Variants in MAP3K4 observed in about 807,000 individuals in gnomAD.
The protein encoded by MAP3K4 is MAP three kinase 1.
A neutral mutation model predicts 185.6 loss-of-function variants in MAP3K4; 67 were observed. The observed-to-expected ratio is 0.36, with a 90% CI of 0.30 to 0.44. The LOEUF (loss-of-function observed/expected upper bound fraction) is 0.44, where lower values mean the gene tolerates loss of function less well. MAP3K4 is among the 20% of genes least tolerant of loss of function. MAP3K4 has a pLI of 1.00. For missense variants in MAP3K4, 1,551 were observed against 1,995.1 expected (o/e 0.78, Z 4.24); for synonymous variants, 702 against 710.4 (o/e 0.99, Z 0.19).
At position 161,007,894 on chromosome 6, in the gene MAP3K4, A is replaced by T. The variant is rs1396634037; in HGVS notation, c.152+15811A>T. 6.6e-6 allele frequency among the ~76,000 whole-genome samples: 1 copy of T among 152,220 alleles called. No homozygotes were observed. The highest frequency in any genetic ancestry group is 1.5e-5 in the Non-Finnish European group (1 of 68,020). Reference sequence around the variant, plus strand: ...ACAGTGCTTTTTTTATATCAGTTGTAGGGTACGGTGAAATATCAGAGATGT... The same window carrying T: ...ACAGTGCTTTTTTTATATCAGTTGTTGGGTACGGTGAAATATCAGAGATGT... On this transcript the variant is annotated intron_variant, in intron 1 of 26. Coordinates refer to ENST00000392142, the MANE Select transcript of MAP3K4 (RefSeq NM_005922.4). This position sits in a 1 kb window ranked among gnomAD's most constrained non-coding sequence, Gnocchi z 4.5.
chr6:161,084,558 G>C lies in MAP3K4; in HGVS notation c.2313G>C (p.Gln771His), dbSNP rs771295941. 6.2e-7 allele frequency: 1 copy of C among 1,613,166 alleles called. No individual in the cohort carries two copies. The highest frequency in any genetic ancestry group is 1.1e-5 in the South Asian group (1 of 91,048). The change falls in exon 7 of 27, where the codon CAG (glutamine) becomes CAC (histidine). Residue 771 changes from glutamine (Q) to histidine (H), a missense_variant. Physicochemically the swap from Gln to His is conservative, Grantham distance 24. Transcript: ENST00000392142. The surrounding 1 kb of genome is among the most constrained non-coding windows in gnomAD (Gnocchi z 4.6). ...STGSFLEFGL[Q>H]ESCAEFWTSA... ...GAAGTTTTTTAGAATTTGGCTTACA[G>C]GAGAGCTGTGCTGAATTTTGGACTA... is the stretch of plus-strand genomic sequence containing the variant.
intron 11 of MAP3K4, among the ~76,000 whole-genome samples, chr6:161,090,943 G>A (rs1777274243): frequency 2.0e-5 from 3 of 152,204 alleles, no homozygotes; most frequent in Non-Finnish European, 4.4e-5. Flanking sequence ...GGGAGGGGGA[G>A]AAATCTGCCC....
At position 161,002,078 on chromosome 6, in the gene MAP3K4, A is replaced by G. The variant is rs1205874063; in HGVS notation, c.152+9995A>G. 5.2e-5 allele frequency among the ~76,000 whole-genome samples: 5 copies of G among 96,760 alleles called. No individual in the cohort carries two copies. The East Asian group carries it at 1.4e-3, about 27-fold the overall frequency. The allele number at this position is 96,760 out of a possible 152,430, so 63.5% of individuals were successfully genotyped here. ...TTTTTTTTTTTTTTTTTTTGGATCTAGCTTTTCCAGATTCTCTCTCTTACT... is the reference window on the plus strand; with the variant it reads ...TTTTTTTTTTTTTTTTTTTGGATCTGGCTTTTCCAGATTCTCTCTCTTACT... On this transcript the variant is annotated intron_variant, in intron 1 of 26. Transcript: ENST00000392142.
Position 161,091,255 on chromosome 6 carries a change from C to T in MAP3K4, c.2974-124C>T. The T allele has an allele frequency of 3.1e-6, 2 of 641,452 alleles. No individual in the cohort carries two copies. The highest frequency in any genetic ancestry group is 5.1e-6 in the Non-Finnish European group (2 of 395,136). The allele number at this position is 641,452 out of a possible 1,614,324, so 39.7% of individuals were successfully genotyped here. A position where few individuals can be genotyped will look rare whatever the true frequency, so the allele number is the denominator to read the frequency against. On this transcript the variant is annotated intron_variant, in intron 11 of 26. Transcript: ENST00000392142. The surrounding 1 kb of genome is among the most constrained non-coding windows in gnomAD (Gnocchi z 5.5). ...CTTCTATATTTGGTAATTCCTTTAC[C>T]AAGTGGCTGAATTGTTTGTAGTGGT...
At chr6:161,035,322 C>G (rs1054821430) in intron 2 of MAP3K4, among the ~76,000 whole-genome samples, 4 of 152,178 alleles carry the variant, frequency 2.6e-5, no homozygotes, top group African/African-American at 9.7e-5. Flanking sequence ...ATTTCTACCT[C>G]TCCCTTTCTG....
At position 161,010,713 on chromosome 6, in the gene MAP3K4, A is replaced by G. The variant is rs556292288; in HGVS notation, c.152+18630A>G. Among the ~76,000 whole-genome samples the G allele has an allele frequency of 2.0e-5, 3 of 152,348 alleles. No individual in the cohort carries two copies. The East Asian group carries it at 5.8e-4, about 29-fold the overall frequency. On this transcript the variant is annotated intron_variant, in intron 1 of 26. Coordinates refer to ENST00000392142, the MANE Select transcript of MAP3K4 (RefSeq NM_005922.4). ...TTAAATACTCAAACACTAATAGTTT[A>G]TTTAAGAAGTTTAAAGAAGAATTTA...
chr6:161,079,104 C>T (rs1785317210), intron 5 of MAP3K4, among the ~76,000 whole-genome samples: 1 of 149,972 alleles, frequency 6.7e-6, no homozygotes. Flanking sequence ...GTCCCAGCTA[C>T]TTAGGAGGCT....
In MAP3K4 at chr6:161,080,544, T is replaced by G; in HGVS notation, c.2098-337T>G. The G allele has an allele frequency of 3.5e-6, 1 of 281,900 alleles. No homozygotes were observed. Among genetic ancestry groups the G allele is most frequent in the Non-Finnish European group, 6.7e-6 (1 of 148,714 alleles). 17.5% of individuals were successfully genotyped at this position (281,900 alleles called of 1,614,324 possible). ...TGAAGATCCTAACCTCTTAAAGGAA[T>G]AATGTTGACAGTACATTCATAATGA... On this transcript the variant is annotated intron_variant, in intron 5 of 26. Coordinates refer to ENST00000392142, the MANE Select transcript of MAP3K4 (RefSeq NM_005922.4). The surrounding 1 kb of genome is among the most constrained non-coding windows in gnomAD (Gnocchi z 4.8).
chr6:160,995,662 T>C lies in MAP3K4; in HGVS notation c.152+3579T>C, dbSNP rs1439730002. Among the ~76,000 whole-genome samples, 4 of 152,360 alleles carry C rather than the reference T, an allele frequency of 2.6e-5. No individual in the cohort carries two copies. The East Asian group carries it at 7.7e-4, about 29-fold the overall frequency. On this transcript the variant is annotated intron_variant, in intron 1 of 26. Coordinates refer to ENST00000392142, the MANE Select transcript of MAP3K4 (RefSeq NM_005922.4). ...TTCATGATAAGGATAGCTGTTGTTA[T>C]TGTTAGTGATTAAATTTTGAAATAA...
rs1023715426 is a variant in MAP3K4 at position 161,051,623 on chromosome 6, C to G, written c.1707+1644C>G. 6.6e-6 allele frequency among the ~76,000 whole-genome samples: 1 copy of G among 152,166 alleles called. No homozygotes were observed. On this transcript the variant is annotated intron_variant, in intron 3 of 26. Transcript: ENST00000392142. This position sits in a 1 kb window ranked among gnomAD's most constrained non-coding sequence, Gnocchi z 4.2. Reference sequence around the variant, plus strand: ...ACATGAGTGAAGAAAAAAGTCCTGGCAGTACCAACATCCCTTGGTATCTCA... The same window carrying G: ...ACATGAGTGAAGAAAAAAGTCCTGGGAGTACCAACATCCCTTGGTATCTCA...
chr6:161,085,335 C>T (rs1413053823), intron 7 of MAP3K4, among the ~76,000 whole-genome samples: 1 of 152,178 alleles, frequency 6.6e-6, no homozygotes, highest in Admixed American at 6.5e-5. Context: ...TTCTGTTGAA[C>T]TTTAAACTTA....
Position 161,093,086 on chromosome 6 carries a change from A to G in MAP3K4, c.3348+30A>G. On this transcript the variant is annotated intron_variant, in intron 14 of 26. Coordinates refer to ENST00000392142, the MANE Select transcript of MAP3K4 (RefSeq NM_005922.4). This position sits in a 1 kb window ranked among gnomAD's most constrained non-coding sequence, Gnocchi z 5.2. ...GGATTATTCTAAAGTTTTTTTCATT[A>G]TAAAATAAGCCAGTCACTCCTTATT... is the stretch of plus-strand genomic sequence containing the variant. The G allele has an allele frequency of 6.8e-7, 1 of 1,477,798 alleles. No homozygotes were observed. Among genetic ancestry groups the G allele is most frequent in the Non-Finnish European group, 9.4e-7 (1 of 1,062,746 alleles). The allele number at this position is 1,477,798 out of a possible 1,614,324, so 91.5% of individuals were successfully genotyped here. A position where few individuals can be genotyped will look rare whatever the true frequency, so the allele number is the denominator to read the frequency against.
At chr6:161,002,852 A>G (rs1159143517) in intron 1 of MAP3K4, among the ~76,000 whole-genome samples, 1 of 152,034 alleles carries the variant, frequency 6.6e-6, no homozygotes, top group African/African-American at 2.4e-5. Context: ...CAGCCTCCCA[A>G]AGTGCTGGGA....
intron 2 of MAP3K4, among the ~76,000 whole-genome samples, chr6:161,036,994 G>GTAAAATATTTTACA (rs1261804318): frequency 6.6e-6 from 1 of 152,190 alleles, no homozygotes; most frequent in Non-Finnish European, 1.5e-5. Flanking sequence ...TGAGGAAACT[G>GTAAAATATTTTACA]GCTCAGAGAA....
In MAP3K4 at chr6:161,106,236, A is replaced by G. The variant is rs1261056709; in HGVS notation, c.3857-278A>G. On this transcript the variant is annotated intron_variant, in intron 19 of 26. Coordinates refer to ENST00000392142, the MANE Select transcript of MAP3K4 (RefSeq NM_005922.4). This position sits in a 1 kb window ranked among gnomAD's most constrained non-coding sequence, Gnocchi z 4.9. ...AATGGAGAGAGGAGAAACTAGAGAC[A>G]TGTATATTACTGCAAGATTTTAGCC... Among the ~76,000 whole-genome samples, 2 of 152,200 alleles carry G rather than the reference A, an allele frequency of 1.3e-5. No individual in the cohort carries two copies. Among genetic ancestry groups the G allele is most frequent in the African/African-American group, 2.4e-5 (1 of 41,448 alleles).
rs1365660389 is a variant in MAP3K4, at chr6:161,008,376, T to A, written c.152+16293T>A. Among the ~76,000 whole-genome samples, 1 of 152,224 alleles carries A rather than the reference T, an allele frequency of 6.6e-6. No individual in the cohort carries two copies. The highest frequency in any genetic ancestry group is 2.4e-5 in the African/African-American group (1 of 41,458). On this transcript the variant is annotated intron_variant, in intron 1 of 26. Transcript: ENST00000392142. The surrounding 1 kb of genome is among the most constrained non-coding windows in gnomAD (Gnocchi z 4.1). ...TTATTAGAGTAAAATCCTGGAAATA[T>A]AATTACTATACCAAAGTGTGTGTGT...
chr6:161,102,401 A>G (rs998111195), intron 18 of MAP3K4, among the ~76,000 whole-genome samples: 4 of 152,198 alleles, frequency 2.6e-5, no homozygotes, highest in Non-Finnish European at 1.5e-5. Flanking sequence ...GGGGCTCCTG[A>G]AGCTAACATC....
rs1315996504 is a variant in MAP3K4 at position 161,017,420 on chromosome 6, T to G, written c.153-16839T>G. Among the ~76,000 whole-genome samples, 2 of 152,176 alleles carry G rather than the reference T, an allele frequency of 1.3e-5. No individual in the cohort carries two copies. The highest frequency in any genetic ancestry group is 2.9e-5 in the Non-Finnish European group (2 of 68,024). ...GCACGTAAGGAACTGCCAAGAGTGT[T>G]ATTTATTTGGTCTTCTGGTACCATC... On this transcript the variant is annotated intron_variant, in intron 1 of 26. Transcript: ENST00000392142. The surrounding 1 kb of genome is among the most constrained non-coding windows in gnomAD (Gnocchi z 5.1).
chr6:161,072,769 G>A (rs531001085), intron 4 of MAP3K4, among the ~76,000 whole-genome samples: 4 of 152,116 alleles, frequency 2.6e-5, no homozygotes, highest in South Asian at 2.1e-4. Flanking sequence ...TAGAATTTGC[G>A]TACATTGTGT....
Sources: gnomAD v4.1 joint callset for allele counts (sites outside exome capture counted in the v4.1 genomes callset) on GRCh38, gnomAD v4.1.1 for gene constraint, Gnocchi (gnomAD v3.1) non-coding constraint, MANE v1.5 for transcripts, NCBI Gene and HGNC (gene_info 2026-07-23, HGNC 2026-07-21) for gene names.